Variants in EDIL3 observed in about 807,000 individuals in gnomAD.
EDIL3 encodes EGF-like repeat and discoidin I-like domain-containing protein 3.
A neutral mutation model predicts 67.4 loss-of-function variants in EDIL3; 37 were observed. The ratio of observed to expected loss-of-function variants is 0.55; its 90% confidence interval spans 0.42 to 0.72. EDIL3 has a LOEUF of 0.72. Ranked by LOEUF, EDIL3 falls within the 30% of genes least tolerant of loss-of-function variation. The pLI is 0.00. For missense variants in EDIL3, 527 were observed against 586.3 expected, an observed-to-expected ratio of 0.90 and a Z score of 1.04; for synonymous variants, 195 against 196.3, an observed-to-expected ratio of 0.99 and a Z score of 0.05.
At chr5:84,061,321 A>G (rs1380104376) in intron 8 of EDIL3, among the ~76,000 whole-genome samples, 3 of 152,150 alleles carry the variant, frequency 2.0e-5, no homozygotes, top group Admixed American at 1.3e-4. Context: ...AATTATATGC[A>G]TGCACATATG....
intron 5 of EDIL3, among the ~76,000 whole-genome samples, chr5:84,108,195 TAGTA>T (rs1358003161): frequency 2.0e-5 from 3 of 151,954 alleles, no homozygotes; most frequent in African/African-American, 4.8e-5. Flanking sequence ...TTTTGAAACT[TAGTA>T]AGATATTTCT....
chr5:84,208,140 C>G (rs1173630480), intron 3 of EDIL3, among the ~76,000 whole-genome samples: 1 of 152,022 alleles, frequency 6.6e-6, no homozygotes, highest in Non-Finnish European at 1.5e-5. Context: ...ATTTTCGCAA[C>G]CTACTCATCT....
intron 3 of EDIL3, among the ~76,000 whole-genome samples, chr5:84,225,098 G>A (rs1486762223): frequency 1.3e-5 from 2 of 151,544 alleles, no homozygotes; most frequent in African/African-American, 4.8e-5. Flanking sequence ...AAAGAAGCAG[G>A]TGTTAACTGA....
chr5:84,288,325 C>T (rs562596721), intron 1 of EDIL3, among the ~76,000 whole-genome samples: 1 of 152,230 alleles, frequency 6.6e-6, no homozygotes, highest in African/African-American at 2.4e-5. Flanking sequence ...TCCTCTTTTG[C>T]CTGGGTGACT....
At chr5:84,380,095 G>T (rs1384901783) in intron 1 of EDIL3, among the ~76,000 whole-genome samples, 1 of 151,726 alleles carries the variant, frequency 6.6e-6, no homozygotes, top group Admixed American at 6.6e-5. Context: ...GAAACCATGA[G>T]AAATATTTTA....
At chr5:84,230,264 A>G (rs1468316653) in intron 2 of EDIL3, among the ~76,000 whole-genome samples, 1 of 152,180 alleles carries the variant, frequency 6.6e-6, no homozygotes, top group Non-Finnish European at 1.5e-5. Flanking sequence ...TGTATATAAC[A>G]TAGAGCTACC....
chr5:84,186,642 G>A (rs1250861427), intron 3 of EDIL3, among the ~76,000 whole-genome samples: 1 of 151,934 alleles, frequency 6.6e-6, no homozygotes, highest in Non-Finnish European at 1.5e-5. Flanking sequence ...TGAAAATTAA[G>A]AATCGGCCAT....
chr5:83,951,269 A>G (rs1258745937), intron 10 of EDIL3, among the ~76,000 whole-genome samples: 3 of 151,786 alleles, frequency 2.0e-5, no homozygotes, highest in Non-Finnish European at 4.4e-5. Context: ...TGCTCTCAAG[A>G]AATTTCTTGT....
Position 84,149,174 on chromosome 5 carries a change from A to G in EDIL3, c.356-11820T>C, listed in dbSNP as rs565515347. On this transcript the variant is annotated intron_variant, in intron 4 of 10. Transcript: ENST00000296591. ...GAGGCTAGTGTTTGTAGAACAGAATATACCCAACAGGAGAGAACTACACAG... is the reference window on the plus strand; with the variant it reads ...GAGGCTAGTGTTTGTAGAACAGAATGTACCCAACAGGAGAGAACTACACAG... Among the ~76,000 whole-genome samples, 4 of 147,056 alleles carry G rather than the reference A, an allele frequency of 2.7e-5. 1 individual carries two copies. In the South Asian group the frequency reaches 8.3e-4, roughly 31 times the overall value.
intron 4 of EDIL3, among the ~76,000 whole-genome samples, chr5:84,174,415 T>C (rs1455819378): frequency 6.6e-6 from 1 of 152,200 alleles, no homozygotes; most frequent in Non-Finnish European, 1.5e-5. Context: ...TCATATATGG[T>C]AACATTCATC....
chr5:83,955,666 C>T (rs752692498), intron 10 of EDIL3, among the ~76,000 whole-genome samples: 8 of 151,640 alleles, frequency 5.3e-5, no homozygotes, highest in Non-Finnish European at 8.8e-5. Context: ...ACAGTCACAC[C>T]AGTAGGGACA....
At chr5:83,970,256 T>TTATATATATA (rs60143474) in intron 9 of EDIL3, among the ~76,000 whole-genome samples, 2,052 of 128,308 alleles carry the variant, frequency 0.016, 61 homozygotes, top group African/African-American at 0.049. Context: ...GTGTCACTAA[T>TTATATATATA]TATATATATA....
At chr5:84,110,525 G>A (rs1747541022) in intron 5 of EDIL3, among the ~76,000 whole-genome samples, 2 of 152,166 alleles carry the variant, frequency 1.3e-5, no homozygotes, top group South Asian at 2.1e-4. Context: ...TATATGAAAT[G>A]ATAATTGATG....
intron 10 of EDIL3, among the ~76,000 whole-genome samples, chr5:83,961,174 G>A (rs940569156): frequency 1.3e-5 from 2 of 150,896 alleles, no homozygotes; most frequent in African/African-American, 4.8e-5. Context: ...TGATCAAAAG[G>A]ACATTAAAAA....
At chr5:84,031,988 C>A (rs1387357227) in intron 9 of EDIL3, among the ~76,000 whole-genome samples, 2 of 152,252 alleles carry the variant, frequency 1.3e-5, no homozygotes, top group South Asian at 4.1e-4. Flanking sequence ...CGAGACAGGA[C>A]AAAATCAGTG....
chr5:83,962,395 C>T (rs1744619869), intron 10 of EDIL3, among the ~76,000 whole-genome samples: 1 of 151,328 alleles, frequency 6.6e-6, no homozygotes, highest in South Asian at 2.1e-4. Flanking sequence ...TTCACTAATC[C>T]AACTGAGGCC....
At chr5:84,378,682 T>A (rs887836513) in intron 1 of EDIL3, among the ~76,000 whole-genome samples, 1 of 152,170 alleles carries the variant, frequency 6.6e-6, no homozygotes, top group Non-Finnish European at 1.5e-5. Flanking sequence ...ATGTGGTATG[T>A]GGATGAAGCT....
At chr5:84,292,172 G>T (rs1745937225) in intron 1 of EDIL3, among the ~76,000 whole-genome samples, 1 of 151,826 alleles carries the variant, frequency 6.6e-6, no homozygotes, top group Non-Finnish European at 1.5e-5. Context: ...CCTGTCTGTG[G>T]TACTTTGTCA....
chr5:84,032,351 T>C (rs1158200305), intron 9 of EDIL3, among the ~76,000 whole-genome samples: 1 of 152,196 alleles, frequency 6.6e-6, no homozygotes, highest in Non-Finnish European at 1.5e-5. Context: ...ATTCATAAAA[T>C]AGAACTATTA....
Sources: gnomAD v4.1 joint callset for allele counts (sites outside exome capture counted in the v4.1 genomes callset) on GRCh38, gnomAD v4.1.1 for gene constraint, MANE v1.5 for transcripts, NCBI Gene and HGNC (gene_info 2026-07-23, HGNC 2026-07-21) for gene names.